The following MYO5B variants were observed in gnomAD, a reference collection of about 807,000 sequenced individuals.
The protein encoded by MYO5B is myosin VB.
MYO5B carries 143 observed loss-of-function variants against 229.3 expected under a neutral mutation model. The ratio of observed to expected loss-of-function variants is 0.62; its 90% CI spans 0.54 to 0.72. The LOEUF (loss-of-function observed/expected upper bound fraction) is 0.72. Among genes scored for constraint, MYO5B ranks in the 30% least tolerant of loss-of-function variants. The pLI is 0.00. For missense variants in MYO5B, 2,321 were observed against 2,331.0 expected (o/e 1.00, Z 0.09); for synonymous variants, 918 against 885.2 (o/e 1.04, Z -0.66).
intron 1 of MYO5B, among the ~76,000 whole-genome samples, chr18:50,084,017 C>T (rs2031275252): frequency 6.6e-6 from 1 of 152,192 alleles, no homozygotes; most frequent in Admixed American, 6.5e-5. Context: ...CATATCATCT[C>T]CCTGTGCCTC....
intron 20 of MYO5B, 129 bp downstream of exon 20, chr18:49,904,543 G>C: frequency 1.8e-6 from 2 of 1,122,182 alleles, no homozygotes; most frequent in South Asian, 1.3e-5. Flanking sequence ...GATTTGGTGA[G>C]AGCAGAGATG....
At chr18:50,077,188 A>AC (rs2031102223) in intron 1 of MYO5B, among the ~76,000 whole-genome samples, 1 of 150,782 alleles carries the variant, frequency 6.6e-6, no homozygotes, top group African/African-American at 2.4e-5. Context: ...AAAAAAAAAA[A>AC]AAAAAGACAA....
chr18:50,027,095 G>A (rs2144367114), intron 4 of MYO5B, among the ~76,000 whole-genome samples: 1 of 152,264 alleles, frequency 6.6e-6, no homozygotes, highest in African/African-American at 2.4e-5. Flanking sequence ...AGAAAGAGTG[G>A]TTAACACAGC....
At chr18:50,161,604 C>T (rs2032767776) in intron 1 of MYO5B, among the ~76,000 whole-genome samples, 1 of 152,202 alleles carries the variant, frequency 6.6e-6, no homozygotes, top group Non-Finnish European at 1.5e-5. Context: ...AACATGCAGC[C>T]CGACCCTGCT....
At chr18:49,913,824 AGCAGATCAGTG>A (rs1188881129) in intron 17 of MYO5B, among the ~76,000 whole-genome samples, 1 of 152,072 alleles carries the variant, frequency 6.6e-6, no homozygotes, top group Non-Finnish European at 1.5e-5. Flanking sequence ...CAAAGAGACA[AGCAGATCAGTG>A]GCAGAACAGC....
intron 14 of MYO5B, among the ~76,000 whole-genome samples, chr18:49,949,681 C>T (rs1288357716): frequency 2.0e-5 from 3 of 152,094 alleles, no homozygotes; most frequent in Non-Finnish European, 2.9e-5. Context: ...AAAAGTCTCT[C>T]ATAAAATAAA....
chr18:50,020,795 G>C (rs1287363485), intron 4 of MYO5B, among the ~76,000 whole-genome samples: 2 of 152,334 alleles, frequency 1.3e-5, no homozygotes, highest in African/African-American at 2.4e-5. Context: ...GAAAATATAT[G>C]TTTTAATAGT....
intron 22 of MYO5B, among the ~76,000 whole-genome samples, chr18:49,882,969 G>C (rs1159303522): frequency 6.6e-6 from 1 of 152,128 alleles, no homozygotes; most frequent in Non-Finnish European, 1.5e-5. Flanking sequence ...TATGAACATA[G>C]ATTCAAAAAT....
intron 4 of MYO5B, among the ~76,000 whole-genome samples, chr18:50,006,954 C>G (rs567129104): frequency 2.6e-5 from 4 of 152,312 alleles, no homozygotes; most frequent in African/African-American, 9.6e-5. Context: ...CAGCACTACT[C>G]AAAGCATCTC....
In MYO5B at chr18:50,024,378, C is replaced by A. The variant is rs539836532; in HGVS notation, c.455+12472G>T. 1.2e-3 allele frequency among the ~76,000 whole-genome samples: 176 copies of A among 152,220 alleles called. 1 individual carries two copies. Among genetic ancestry groups the A allele is most frequent in the Non-Finnish European group, 1.7e-3 (118 of 67,998 alleles). On this transcript the variant is annotated intron_variant, in intron 4 of 39. Coordinates refer to ENST00000285039, the MANE Select transcript of MYO5B (RefSeq NM_001080467.3). Reference sequence around the variant, plus strand: ...AGAGAAGTCCTGGGTGCTGGGATTCCACCTCTCTCCTTCTCTCTGCTACCA... The same window carrying A: ...AGAGAAGTCCTGGGTGCTGGGATTCAACCTCTCTCCTTCTCTCTGCTACCA...
At chr18:50,033,960 G>A (rs2026419670) in intron 4 of MYO5B, among the ~76,000 whole-genome samples, 1 of 152,256 alleles carries the variant, frequency 6.6e-6, no homozygotes, top group African/African-American at 2.4e-5. Flanking sequence ...AGTCCCTCAT[G>A]CTCTCACAGA....
At chr18:50,152,647 A>G (rs200280292) in intron 1 of MYO5B, among the ~76,000 whole-genome samples, 1 of 152,326 alleles carries the variant, frequency 6.6e-6, no homozygotes, top group South Asian at 2.1e-4. Context: ...ATCAATTCAT[A>G]CAGCCACTAA....
chr18:50,194,398 C>G (rs1032983644), intron 1 of MYO5B, among the ~76,000 whole-genome samples: 5 of 152,164 alleles, frequency 3.3e-5, no homozygotes, highest in African/African-American at 1.2e-4. Context: ...GGGCCCGTCC[C>G]GCGCACGGCG....
chr18:49,862,892 AC>A (rs1028040593), intron 29 of MYO5B, among the ~76,000 whole-genome samples: 3 of 99,330 alleles, frequency 3.0e-5, no homozygotes, highest in African/African-American at 1.2e-4. Flanking sequence ...CCAGTTAGCC[AC>A]CCCCCACCCC....
chr18:50,162,592 T>C (rs2032783279), intron 1 of MYO5B, among the ~76,000 whole-genome samples: 2 of 152,202 alleles, frequency 1.3e-5, no homozygotes, highest in Admixed American at 6.5e-5. Context: ...CATCAGGACA[T>C]CTTTGGCATA....
At chr18:50,091,858 G>A (rs1221910247) in intron 1 of MYO5B, among the ~76,000 whole-genome samples, 1 of 152,078 alleles carries the variant, frequency 6.6e-6, no homozygotes, top group Non-Finnish European at 1.5e-5. Context: ...AGGGAAAGAG[G>A]AGAAATGGCA....
intron 17 of MYO5B, among the ~76,000 whole-genome samples, chr18:49,919,303 C>A (rs2025050105): frequency 2.0e-5 from 3 of 149,306 alleles, no homozygotes; most frequent in Non-Finnish European, 2.9e-5. Flanking sequence ...ACCTAATGCA[C>A]AACCAAAGAA....
At chr18:50,024,175 G>A (rs1255127929) in intron 4 of MYO5B, among the ~76,000 whole-genome samples, 3 of 152,172 alleles carry the variant, frequency 2.0e-5, no homozygotes, top group Admixed American at 2.0e-4. Flanking sequence ...CAGTGCGGAA[G>A]CAGAAAAAAC....
intron 1 of MYO5B, among the ~76,000 whole-genome samples, chr18:50,074,546 C>A (rs1409932626): frequency 6.6e-6 from 1 of 152,170 alleles, no homozygotes; most frequent in Non-Finnish European, 1.5e-5. Flanking sequence ...AATTCTAGCT[C>A]GATAGGTCTT....
Sources: gnomAD v4.1 joint callset for allele counts (sites outside exome capture counted in the v4.1 genomes callset) on GRCh38, gnomAD v4.1.1 for gene constraint, MANE v1.5 for transcripts, NCBI Gene and HGNC (gene_info 2026-07-23, HGNC 2026-07-21) for gene names.